Variants in KMT2D observed in about 807,000 individuals in gnomAD.
KMT2D encodes the protein lysine methyltransferase 2D.
KMT2D carries 55 observed loss-of-function variants against 512.7 expected under a neutral mutation model. That is an observed-to-expected ratio of 0.11 (90% CI 0.09 to 0.13). KMT2D has a LOEUF of 0.13. KMT2D is among the 10% of genes least tolerant of loss of function. KMT2D has a pLI of 1.00. For missense variants in KMT2D, 6,061 were observed against 7,127.9 expected (o/e 0.85, Z 5.39); for synonymous variants, 2,995 against 2,904.0 (o/e 1.03, Z -1.01).
rs2120678453 is a variant in KMT2D, at chr12:49,051,896, G to T, written c.1787C>A (p.Ala596Glu). Reference protein sequence around the residue: ...EESPMSPPPEASRLFPPFEES... With the variant: ...EESPMSPPPEESRLFPPFEES... ...TTCAAATGGTGGGAACAGACGAGAT[G>T]CCTCCGGTGGTGGAGACATGGGTGA... The change falls in exon 11 of 55, where the codon GCA becomes GAA. Residue 596 changes from alanine to glutamate, a missense_variant. Ala to Glu is a moderately radical substitution (Grantham distance 107). Around this residue, in one of 16 missense-constraint regions of KMT2D, gnomAD observed 848 missense variants for 838.5 expected, o/e 1.01. Coordinates refer to ENST00000301067, the MANE Select transcript of KMT2D (RefSeq NM_003482.4). The T allele has an allele frequency of 6.2e-7, 1 of 1,610,076 alleles. No homozygotes were observed. Among genetic ancestry groups the T allele is most frequent in the African/African-American group, 1.4e-5 (1 of 73,752 alleles).
In KMT2D at chr12:49,050,518, A is replaced by G. The variant is rs757756934; in HGVS notation, c.3070T>C (p.Cys1024Arg). 2.9e-5 allele frequency: 46 copies of G among 1,610,234 alleles called. No individual in the cohort carries two copies. The highest frequency in any genetic ancestry group is 3.7e-5 in the Non-Finnish European group (43 of 1,177,246). ...AGGGAATGCTGAAGGAGTGGCGAACACTGAGGAGGAAGGGGCTCCATCAGG... is the reference window on the plus strand; with the variant it reads ...AGGGAATGCTGAAGGAGTGGCGAACGCTGAGGAGGAAGGGGCTCCATCAGG... The part of the protein sequence containing the change: ...PILMEPLPPQ[C>R]SPLLQHSLVP... Residue 1024 changes from cysteine to arginine, a missense_variant, in exon 12 of 55, where the codon TGT becomes CGT. Cys to Arg is a radical substitution (Grantham distance 180). Coordinates refer to ENST00000301067, the MANE Select transcript of KMT2D (RefSeq NM_003482.4).
At position 49,049,810 on chromosome 12, in the gene KMT2D, A is replaced by G. The variant is rs753918888; in HGVS notation, c.3778T>C (p.Cys1260Arg). The change falls in exon 12 of 55, where the codon TGT becomes CGT. Residue 1260 changes from cysteine to arginine, a missense_variant. Physicochemically the swap from Cys to Arg is radical, Grantham distance 180. Coordinates refer to ENST00000301067, the MANE Select transcript of KMT2D (RefSeq NM_003482.4). ...TCAGTCTCTGGCAGTGAGTCAGTACAGAGCCGTAGGGAGCCCTCATCTCGG... is the reference window on the plus strand; with the variant it reads ...TCAGTCTCTGGCAGTGAGTCAGTACGGAGCCGTAGGGAGCCCTCATCTCGG... ...PARDEGSLRL[C>R]TDSLPETDDS... 6.2e-7 allele frequency: 1 copy of G among 1,613,972 alleles called. No homozygotes were observed.
At position 49,026,048 on chromosome 12, in the gene KMT2D, C is replaced by T. The variant is rs1942565161; in HGVS notation, c.15784+134G>A. 2.4e-6 allele frequency: 2 copies of T among 817,290 alleles called. No individual in the cohort carries two copies. The highest frequency in any genetic ancestry group is 2.9e-5 in the Admixed American group (1 of 34,356). The allele number at this position is 817,290 out of a possible 1,614,324, so 50.6% of individuals were successfully genotyped here. A position where few individuals can be genotyped will look rare whatever the true frequency, so the allele number is the denominator to read the frequency against. The stretch of plus-strand genomic sequence containing the variant: ...TTTCACTGGGAGTTTTCAAGAGACC[C>T]CCTGCCTGCCTGAGGTGGGGGAAGG... On this transcript the variant is annotated intron_variant, in intron 49 of 54. Coordinates refer to ENST00000301067, the MANE Select transcript of KMT2D (RefSeq NM_003482.4). This position sits in a 1 kb window ranked among gnomAD's most constrained non-coding sequence, Gnocchi z 9.6.
chr12:49,031,157 T>C lies in KMT2D; in HGVS notation c.13530+18A>G. 2 of 1,607,436 alleles carry C rather than the reference T, an allele frequency of 1.2e-6. No homozygotes were observed. Among genetic ancestry groups the C allele is most frequent in the South Asian group, 2.2e-5 (2 of 90,734 alleles). Reference sequence around the variant, plus strand: ...CTAGGACCCACTCTACCTGCTCCACTCTACTCAGAGTACTCACCTCCTTGT... The same window carrying C: ...CTAGGACCCACTCTACCTGCTCCACCCTACTCAGAGTACTCACCTCCTTGT... On this transcript the variant is annotated intron_variant, in intron 40 of 54. Transcript: ENST00000301067.
rs878976690 is a variant in KMT2D, at chr12:49,037,776, G to A, written c.9580C>T (p.His3194Tyr). ...CTCAGTGGGCTGGGGGTCAGCAGGT[G>A]AGCTGGTGGTCCTCCCGTGGCCCCA... is the stretch of plus-strand genomic sequence containing the variant. ...SFGATGGPPA[H>Y]LLTPSPLSGP... Residue 3194 changes from histidine to tyrosine, a missense_variant, in exon 35 of 55, where the codon CAC (histidine) becomes TAC (tyrosine). Physicochemically the swap from His to Tyr is moderately conservative, Grantham distance 83. Coordinates refer to ENST00000301067, the MANE Select transcript of KMT2D (RefSeq NM_003482.4). The A allele has an allele frequency of 1.3e-6, 2 of 1,595,472 alleles. No individual in the cohort carries two copies. Among genetic ancestry groups the A allele is most frequent in the South Asian group, 1.1e-5 (1 of 88,066 alleles).
chr12:49,036,517 T>C (rs923426419), intron 35 of KMT2D, among the ~76,000 whole-genome samples: 8 of 139,802 alleles, frequency 5.7e-5, no homozygotes, highest in Non-Finnish European at 1.2e-4. Context: ...AGATGGAGTT[T>C]CGCTCTTGTT....
In KMT2D at chr12:49,031,223, C is replaced by T. The variant is rs763745272; in HGVS notation, c.13482G>A (p.Lys4494=). 1.9e-6 allele frequency: 3 copies of T among 1,612,426 alleles called. No homozygotes were observed. The highest frequency in any genetic ancestry group is 2.2e-5 in the East Asian group (1 of 44,838). The change falls in exon 40 of 55, where the codon AAG becomes AAA. Residue 4494 remains lysine, a synonymous_variant. Coordinates refer to ENST00000301067, the MANE Select transcript of KMT2D (RefSeq NM_003482.4). ...GTAGTTTCTGCTCCAGCCCAGCCAG[C>T]TTGCTGTCAATGTGCCCGTTGATCT... The part of the protein sequence containing the change: ...RAEINGHIDS[K]LAGLEQKLQG...
chr12:49,054,125 T>C lies in KMT2D; in HGVS notation c.526A>G (p.Thr176Ala). 1.2e-6 allele frequency: 2 copies of C among 1,610,376 alleles called. No individual in the cohort carries two copies. The highest frequency in any genetic ancestry group is 1.7e-6 in the Non-Finnish European group (2 of 1,178,230). Residue 176 changes from threonine to alanine, a missense_variant, in exon 6 of 55, where the codon ACC becomes GCC. Thr to Ala is a moderately conservative substitution (Grantham distance 58). Transcript: ENST00000301067. This position sits in a 1 kb window ranked among gnomAD's most constrained non-coding sequence, Gnocchi z 6.4. The stretch of plus-strand genomic sequence containing the variant: ...CAAGGGATGGAGGCACCGAGCCTGG[T>C]GCAGTGGGAGCAGCGCTGCCAGGGT... ...SGISQRCSHC[T>A]RLGASIPCRS...
rs191624773 is a variant in KMT2D at position 49,055,749 on chromosome 12, T to A, written c.-37-388A>T. On this transcript the variant is annotated intron_variant, in intron 1 of 54. Transcript: ENST00000301067. ...CCACACCTTTCCCTCAAGTCTCAAG[T>A]AAGCTCCCATTCTAGAGGCCAGTCT... Among the ~76,000 whole-genome samples, 3 of 152,232 alleles carry A rather than the reference T, an allele frequency of 2.0e-5. No individual in the cohort carries two copies. In the East Asian group the frequency reaches 5.8e-4, roughly 29 times the overall value.
chr12:49,060,120 C>T lies in KMT2D; in HGVS notation c.-545G>A, dbSNP rs917657204. 3.3e-5 allele frequency among the ~76,000 whole-genome samples: 5 copies of T among 151,322 alleles called. No individual in the cohort carries two copies. The highest frequency in any genetic ancestry group is 3.2e-3 in the Middle Eastern group (1 of 314). On this transcript the variant is annotated 5_prime_UTR_variant, in exon 1 of 55. Coordinates refer to ENST00000301067, the MANE Select transcript of KMT2D (RefSeq NM_003482.4). ...CGCAGGAGCGCCGAGCCCCTCTCCC[C>T]GCCCCGGCCGGCGCCCGGGGCCGCG... is the stretch of plus-strand genomic sequence containing the variant.
chr12:49,054,523 C>A lies in KMT2D; in HGVS notation c.400+5G>T, dbSNP rs2120710313. On this transcript the variant is annotated splice_donor_5th_base_variant and intron_variant, in intron 4 of 54. Transcript: ENST00000301067. The surrounding 1 kb of genome is among the most constrained non-coding windows in gnomAD (Gnocchi z 6.4). Reference sequence around the variant, plus strand: ...CCCATTTCCTGCCCCATTCTCCTCACTCACCTCCAGGTTCTCCTAGGTGGG... The same window carrying A: ...CCCATTTCCTGCCCCATTCTCCTCAATCACCTCCAGGTTCTCCTAGGTGGG... 6.2e-7 allele frequency: 1 copy of A among 1,607,392 alleles called. No individual in the cohort carries two copies. Among genetic ancestry groups the A allele is most frequent in the Non-Finnish European group, 8.5e-7 (1 of 1,176,586 alleles).
Position 49,021,583 on chromosome 12 carries a change from A to AAG in KMT2D, c.*195_*196dup. Reference sequence around the variant, plus strand: ...GCCAGCCTGAGGGCCGGTGGTGGGGAAGAGGATTGTCCCTGGTGCCCAGGG... The same window carrying AAG: ...GCCAGCCTGAGGGCCGGTGGTGGGGAAGAGAGGATTGTCCCTGGTGCCCAGGG... On this transcript the variant is annotated 3_prime_UTR_variant, in exon 55 of 55. Coordinates refer to ENST00000301067, the MANE Select transcript of KMT2D (RefSeq NM_003482.4). 1.8e-6 allele frequency: 1 copy of AAG among 562,016 alleles called. No homozygotes were observed. The highest frequency in any genetic ancestry group is 3.2e-6 in the Non-Finnish European group (1 of 316,690). 34.8% of individuals were successfully genotyped at this position (562,016 alleles called of 1,614,324 possible).
Position 49,022,441 on chromosome 12 carries a change from T to C in KMT2D, c.16339-88A>G. ...GGGATCAGGTAGGAGACTCAGGCAG[T>C]GGGGGCTTTTGTTGCATGTACTTCA... On this transcript the variant is annotated intron_variant, in intron 52 of 54. Transcript: ENST00000301067. This position sits in a 1 kb window ranked among gnomAD's most constrained non-coding sequence, Gnocchi z 8.6. The C allele has an allele frequency of 6.7e-7, 1 of 1,491,618 alleles. No individual in the cohort carries two copies. The highest frequency in any genetic ancestry group is 1.2e-5 in the South Asian group (1 of 86,448). The allele number at this position is 1,491,618 out of a possible 1,614,324, so 92.4% of individuals were successfully genotyped here. A position where few individuals can be genotyped will look rare whatever the true frequency, so the allele number is the denominator to read the frequency against.
rs778418522 is a variant in KMT2D, at chr12:49,031,647, G to A, written c.13058C>T (p.Pro4353Leu). ...TPKPQGPTLEPPPGRVSPAAA... is the reference protein window; with the variant it reads ...TPKPQGPTLELPPGRVSPAAA... ...AGCAGGTGAGACCCTCCCAGGAGGC[G>A]GCTCCAAGGTTGGCCCCTGAGGTTT... The change falls in exon 40 of 55, where the codon CCG becomes CTG. Residue 4353 changes from proline to leucine, a missense_variant. Around this residue, in one of 16 missense-constraint regions of KMT2D, gnomAD observed 1,600 missense variants for 1,754.9 expected, o/e 0.91. Coordinates refer to ENST00000301067, the MANE Select transcript of KMT2D (RefSeq NM_003482.4). 3.5e-5 allele frequency: 56 copies of A among 1,606,446 alleles called. No homozygotes were observed. The highest frequency in any genetic ancestry group is 4.3e-5 in the Non-Finnish European group (51 of 1,176,756).
Position 49,033,538 on chromosome 12 carries a change from G to A in KMT2D, c.11167C>T (p.Leu3723=). 6.2e-7 allele frequency: 1 copy of A among 1,613,648 alleles called. No individual in the cohort carries two copies. The highest frequency in any genetic ancestry group is 8.5e-7 in the Non-Finnish European group (1 of 1,179,858). Reference sequence around the variant, plus strand: ...GCCAGCTGCATACGTTGCTGCTGCAGCTGCAGCTGCCTTTCCTGTAAAAGC... The same window carrying A: ...GCCAGCTGCATACGTTGCTGCTGCAACTGCAGCTGCCTTTCCTGTAAAAGC... ...SRLLQERQLQ[L]QQQRMQLAQK... is the part of the protein sequence containing the mutation. The change falls in exon 40 of 55, where the codon CTG becomes TTG. Residue 3723 remains leucine, a synonymous_variant. Coordinates refer to ENST00000301067, the MANE Select transcript of KMT2D (RefSeq NM_003482.4).
At position 49,019,902 on chromosome 12, in the gene KMT2D, C is replaced by G. The variant is rs1942224114; in HGVS notation, c.*1878G>C. ...AACAGCGACCAAGCTCCCCCTCCAGCAGGCCCGCCCGTCCACCACCACCAA... is the reference window on the plus strand; with the variant it reads ...AACAGCGACCAAGCTCCCCCTCCAGGAGGCCCGCCCGTCCACCACCACCAA... On this transcript the variant is annotated 3_prime_UTR_variant, in exon 55 of 55. Coordinates refer to ENST00000301067, the MANE Select transcript of KMT2D (RefSeq NM_003482.4). 1 of 229,100 alleles carries G rather than the reference C, an allele frequency of 4.4e-6. No homozygotes were observed. The highest frequency in any genetic ancestry group is 2.2e-5 in the African/African-American group (1 of 44,926). 14.2% of individuals were successfully genotyped at this position (229,100 alleles called of 1,614,324 possible). A position where few individuals can be genotyped will look rare whatever the true frequency, so the allele number is the denominator to read the frequency against.
chr12:49,049,092 G>T lies in KMT2D; in HGVS notation c.4020+13C>A. The T allele has an allele frequency of 6.6e-7, 1 of 1,516,502 alleles. No homozygotes were observed. Among genetic ancestry groups the T allele is most frequent in the Non-Finnish European group, 9.1e-7 (1 of 1,095,208 alleles). The allele number at this position is 1,516,502 out of a possible 1,614,324, so 93.9% of individuals were successfully genotyped here. On this transcript the variant is annotated intron_variant, in intron 13 of 54. Coordinates refer to ENST00000301067, the MANE Select transcript of KMT2D (RefSeq NM_003482.4). ...TGGTTGGGGGATGGGAGGAATAGGA[G>T]GCATCTCCTTACTACCAGAGTCTCA...
In KMT2D at chr12:49,042,289, T is replaced by C. The variant is rs1168904925; in HGVS notation, c.5909A>G (p.Asp1970Gly). The C allele has an allele frequency of 1.9e-6, 3 of 1,563,638 alleles. No homozygotes were observed. Among genetic ancestry groups the C allele is most frequent in the African/African-American group, 2.7e-5 (2 of 73,608 alleles). ...GCCACCTGAGCCCGTCCAGGGGCTG[T>C]CGGGCTCACCGGGTTCCGGGCTAAA... is the stretch of plus-strand genomic sequence containing the variant. ...GFFSPEPGEP[D>G]SPWTGSGGTT... The change falls in exon 29 of 55, where the codon GAC (aspartate) becomes GGC (glycine). Residue 1970 changes from aspartate to glycine, a missense_variant. By Grantham distance (94) the Asp-to-Gly change is moderately conservative (BLOSUM62 -1). Coordinates refer to ENST00000301067, the MANE Select transcript of KMT2D (RefSeq NM_003482.4). The surrounding 1 kb of genome is among the most constrained non-coding windows in gnomAD (Gnocchi z 4.4).
At chr12:49,029,019 C>T (rs935253390) in intron 45 of KMT2D, 42 bp downstream of exon 45, 2 of 1,606,470 alleles carry the variant, frequency 1.2e-6, no homozygotes, top group Non-Finnish European at 1.7e-6. Flanking sequence ...TTCGGACAAC[C>T]CAGGTGAACT....
Sources: gnomAD v4.1 joint callset for allele counts (sites outside exome capture counted in the v4.1 genomes callset) on GRCh38, gnomAD v4.1.1 for gene constraint, gnomAD v4.1.1 regional missense constraint, Gnocchi (gnomAD v3.1) non-coding constraint, MANE v1.5 for transcripts, NCBI Gene and HGNC (gene_info 2026-07-23, HGNC 2026-07-21) for gene names.